Variants in NRCAM observed in about 807,000 individuals in gnomAD.
The protein encoded by NRCAM is NgCAM-related cell adhesion molecule.
A neutral mutation model predicts 156.5 loss-of-function variants in NRCAM; 83 were observed. The observed-to-expected ratio is 0.53, with a 90% CI of 0.44 to 0.64. The LOEUF is 0.64. Ranked by LOEUF, NRCAM falls within the 30% of genes least tolerant of loss-of-function variation. The probability of loss-of-function intolerance (pLI) is 0.00; values close to 1 mark genes in which losing one functional copy is unlikely to be tolerated. For synonymous variants in NRCAM, 538 were observed against 563.9 expected, an observed-to-expected ratio of 0.95 and a Z score of 0.65; for missense variants, 1,417 against 1,597.3, an observed-to-expected ratio of 0.89 and a Z score of 1.92.
rs553295874 is a variant in NRCAM at position 108,251,934 on chromosome 7, C to A, written c.-106-11764G>T. On this transcript the variant is annotated intron_variant, in intron 3 of 32. Coordinates refer to ENST00000379028, the MANE Select transcript of NRCAM (RefSeq NM_001037132.4). Reference sequence around the variant, plus strand: ...CTCCAGCGTGGGTGACAGTGCAAGACTGTTTAAAAAAAAATTAAAAACAAA... The same window carrying A: ...CTCCAGCGTGGGTGACAGTGCAAGAATGTTTAAAAAAAAATTAAAAACAAA... 7.6e-4 allele frequency among the ~76,000 whole-genome samples: 115 copies of A among 152,120 alleles called. 1 individual carries two copies. The highest frequency in any genetic ancestry group is 2.7e-3 in the African/African-American group (111 of 41,508).
chr7:108,337,045 G>A (rs566482662), intron 2 of NRCAM, among the ~76,000 whole-genome samples: 18 of 152,126 alleles, frequency 1.2e-4, no homozygotes, highest in South Asian at 8.3e-4. Context: ...AGGATGAATC[G>A]CTTGAGGCCA....
At chr7:108,240,764 T>C (rs1474309485) in intron 3 of NRCAM, among the ~76,000 whole-genome samples, 1 of 152,164 alleles carries the variant, frequency 6.6e-6, no homozygotes, top group Non-Finnish European at 1.5e-5. Flanking sequence ...AGGCCTTTTC[T>C]GGTTAAATAT....
At chr7:108,267,951 T>C (rs1440869883) in intron 3 of NRCAM, among the ~76,000 whole-genome samples, 1 of 152,192 alleles carries the variant, frequency 6.6e-6, no homozygotes, top group Non-Finnish European at 1.5e-5. Context: ...GATAATTAAA[T>C]TCCTGCTATC....
intron 2 of NRCAM, among the ~76,000 whole-genome samples, chr7:108,387,114 T>G (rs900588276): frequency 2.0e-5 from 3 of 152,152 alleles, no homozygotes; most frequent in African/African-American, 7.2e-5. Flanking sequence ...ACTTATTTGA[T>G]GACAGAAGGT....
intron 3 of NRCAM, among the ~76,000 whole-genome samples, chr7:108,259,943 C>G (rs972373019): frequency 3.8e-4 from 58 of 152,190 alleles, no homozygotes; most frequent in Admixed American, 2.6e-3. Flanking sequence ...CCATGGCACA[C>G]ACTTACCTAT....
intron 20 of NRCAM, among the ~76,000 whole-genome samples, chr7:108,188,100 A>G (rs1053895564): frequency 6.6e-6 from 1 of 152,192 alleles, no homozygotes; most frequent in African/African-American, 2.4e-5. Context: ...GGAGGGAAGG[A>G]GGAGTGAGTA....
chr7:108,203,780 C>A (rs1484466413), intron 13 of NRCAM, among the ~76,000 whole-genome samples: 1 of 152,198 alleles, frequency 6.6e-6, no homozygotes, highest in African/African-American at 2.4e-5. Context: ...TTCAGAAGCA[C>A]AGCTGTTTCC....
chr7:108,162,818 T>A (rs1184042771), intron 30 of NRCAM, among the ~76,000 whole-genome samples: 1 of 152,186 alleles, frequency 6.6e-6, no homozygotes, highest in African/African-American at 2.4e-5. Flanking sequence ...CACACACAAG[T>A]ACACCAGAAA....
chr7:108,159,533 T>C lies in NRCAM; in HGVS notation c.3607A>G (p.Lys1203Glu). 6.2e-7 allele frequency: 1 copy of C among 1,613,214 alleles called. No homozygotes were observed. Among genetic ancestry groups the C allele is most frequent in the Non-Finnish European group, 8.5e-7 (1 of 1,179,322 alleles). The change falls in exon 32 of 33, where the codon AAG (lysine) becomes GAG (glutamate). Residue 1203 changes from lysine to glutamate, a missense_variant. Lys to Glu is a moderately conservative substitution (Grantham distance 56). Transcript: ENST00000379028. ...TCAGGGTCAGCATGGGCATCTTCCT[T>C]TTCTTTAACTAAAAAATGCCAAAAT... Reference protein sequence around the residue: ...NKGGKYPVKEKEDAHADPEIQ... With the variant: ...NKGGKYPVKEEEDAHADPEIQ...
chr7:108,166,731 C>T (rs1347186481), intron 30 of NRCAM, among the ~76,000 whole-genome samples, 190 bp downstream of exon 30: 2 of 152,078 alleles, frequency 1.3e-5, no homozygotes, highest in Non-Finnish European at 2.9e-5. Flanking sequence ...AGATGATTTG[C>T]TAAATTCCGT....
chr7:108,367,806 C>T (rs2099601019), intron 2 of NRCAM, among the ~76,000 whole-genome samples: 1 of 152,082 alleles, frequency 6.6e-6, no homozygotes, highest in South Asian at 2.1e-4. Flanking sequence ...ATAGTCATTT[C>T]TCCAAAATGG....
chr7:108,383,416 C>G (rs151245238), intron 2 of NRCAM, among the ~76,000 whole-genome samples: 1 of 152,082 alleles, frequency 6.6e-6, no homozygotes, highest in Admixed American at 6.6e-5. Flanking sequence ...AAATAAGATA[C>G]GGAGAAGGCA....
intron 20 of NRCAM, among the ~76,000 whole-genome samples, chr7:108,187,704 C>T (rs2067883538): frequency 1.3e-5 from 2 of 152,248 alleles, no homozygotes; most frequent in African/African-American, 4.8e-5. Context: ...GTAATCCCAG[C>T]ACTTTGGGAG....
At chr7:108,204,233 T>C (rs534700799) in intron 13 of NRCAM, among the ~76,000 whole-genome samples, 2 of 152,332 alleles carry the variant, frequency 1.3e-5, no homozygotes, top group East Asian at 1.9e-4. Context: ...GGATAGTTTC[T>C]GCACCCCCCT....
chr7:108,405,195 G>T (rs191796129), intron 1 of NRCAM, among the ~76,000 whole-genome samples: 1 of 152,340 alleles, frequency 6.6e-6, no homozygotes, highest in Admixed American at 6.5e-5. Flanking sequence ...TACATTTGTG[G>T]TTTGTGATTT....
At chr7:108,326,218 T>C (rs997999040) in intron 2 of NRCAM, among the ~76,000 whole-genome samples, 4 of 152,238 alleles carry the variant, frequency 2.6e-5, no homozygotes, top group African/African-American at 9.6e-5. Context: ...TTCTATGTTT[T>C]GATTCAAAAA....
chr7:108,356,195 C>T (rs976974633), intron 2 of NRCAM, among the ~76,000 whole-genome samples: 2 of 152,210 alleles, frequency 1.3e-5, no homozygotes, highest in African/African-American at 2.4e-5. Flanking sequence ...GATCTGCCTG[C>T]CTTGGCCTCC....
chr7:108,373,710 AGACTTGTGAACTTGT>A (rs2099643596), intron 2 of NRCAM, among the ~76,000 whole-genome samples: 1 of 152,198 alleles, frequency 6.6e-6, no homozygotes, highest in Non-Finnish European at 1.5e-5. Flanking sequence ...CATGAGGGCA[AGACTTGTGAACTTGT>A]GACTTGTGAA....
At chr7:108,360,167 G>A (rs2099539499) in intron 2 of NRCAM, among the ~76,000 whole-genome samples, 1 of 152,154 alleles carries the variant, frequency 6.6e-6, no homozygotes, top group African/African-American at 2.4e-5. Flanking sequence ...AATGTACAAA[G>A]AGATTGGATT....
Sources: allele counts gnomAD v4.1 joint callset (sites outside exome capture counted in the v4.1 genomes callset), GRCh38; gene constraint gnomAD v4.1.1; transcripts MANE v1.5; gene names NCBI Gene and HGNC (gene_info 2026-07-23, HGNC 2026-07-21).